THSD7B: variants seen among roughly 807,000 people sequenced by gnomAD.
The protein encoded by THSD7B is thrombospondin type-1 domain-containing protein 7B.
THSD7B carries 138 observed loss-of-function variants against 213.6 expected under a neutral mutation model. The observed-to-expected ratio is 0.65, with a 90% CI of 0.56 to 0.74. THSD7B has a LOEUF of 0.74. THSD7B is among the 30% of genes least tolerant of loss of function. The pLI is 0.00. For synonymous variants in THSD7B, 742 were observed against 687.0 expected (o/e 1.08, Z -1.25); for missense variants, 1,931 against 1,991.5 (o/e 0.97, Z 0.58).
chr2:137,493,804 G>T (rs775568600), intron 15 of THSD7B, among the ~76,000 whole-genome samples: 63 of 152,104 alleles, frequency 4.1e-4, no homozygotes, highest in Non-Finnish European at 7.2e-4. Context: ...TTCATCAGAT[G>T]TATTTTAAGA....
intron 12 of THSD7B, among the ~76,000 whole-genome samples, chr2:137,347,687 A>G (rs987970759): frequency 2.0e-5 from 3 of 150,992 alleles, no homozygotes; most frequent in African/African-American, 7.3e-5. Flanking sequence ...TCGTTATCAC[A>G]TCCCCCTTTG....
chr2:136,960,872 A>G (rs1287259087), intron 2 of THSD7B, among the ~76,000 whole-genome samples: 2 of 151,616 alleles, frequency 1.3e-5, no homozygotes, highest in Non-Finnish European at 2.9e-5. Context: ...GGCGGATCGC[A>G]AGGTCAGGAG....
intron 27 of THSD7B, among the ~76,000 whole-genome samples, chr2:137,670,906 G>A (rs1320862318): frequency 3.9e-5 from 5 of 127,438 alleles, no homozygotes; most frequent in Admixed American, 9.7e-5. Flanking sequence ...GGGCGACAGA[G>A]TGAGACTCCG....
At chr2:136,988,449 A>G (rs1001378544) in intron 2 of THSD7B, among the ~76,000 whole-genome samples, 1 of 152,216 alleles carries the variant, frequency 6.6e-6, no homozygotes. Flanking sequence ...GTGTTTAAAA[A>G]GTAGTTTGAG....
chr2:136,838,401 A>G (rs1682874522), intron 1 of THSD7B, among the ~76,000 whole-genome samples: 1 of 152,168 alleles, frequency 6.6e-6, no homozygotes, highest in Non-Finnish European at 1.5e-5. Context: ...TAAGGTCAAT[A>G]TTTAAACCAC....
Position 137,405,781 on chromosome 2 carries a change from C to A in THSD7B, c.2669C>A (p.Thr890Lys). 3.7e-6 allele frequency: 6 copies of A among 1,612,708 alleles called. No individual in the cohort carries two copies. Among genetic ancestry groups the A allele is most frequent in the Non-Finnish European group, 5.1e-6 (6 of 1,179,386 alleles). Residue 890 changes from threonine to lysine, a missense_variant, in exon 13 of 28, where the codon ACA becomes AAA. Physicochemically the swap from Thr to Lys is moderately conservative, Grantham distance 78. Transcript: ENST00000409968. Reference sequence around the variant, plus strand: ...CCCTGCTCCACGAACTGTGAAGCCACAAAAAGTAGGCGGCGACAGCTCACA... The same window carrying A: ...CCCTGCTCCACGAACTGTGAAGCCAAAAAAAGTAGGCGGCGACAGCTCACA... The part of the protein sequence containing the change: ...FTPCSTNCEA[T>K]KSRRRQLTGK...
chr2:137,651,437 A>G (rs939558775), intron 21 of THSD7B, among the ~76,000 whole-genome samples: 20 of 151,498 alleles, frequency 1.3e-4, no homozygotes, highest in Admixed American at 9.2e-4. Flanking sequence ...TGGGGTTCTG[A>G]TATTATTTAT....
rs555537039 is a variant in THSD7B at position 137,381,051 on chromosome 2, C to A, written c.2501-24562C>A. 2.0e-5 allele frequency among the ~76,000 whole-genome samples: 3 copies of A among 152,288 alleles called. No individual in the cohort carries two copies. In the East Asian group the frequency reaches 5.8e-4, roughly 29 times the overall value. On this transcript the variant is annotated intron_variant, in intron 12 of 27. Transcript: ENST00000409968. ...GTTTTTCCAACTACCTGACACTCAC[C>A]CTTTGACTCCCCTCAGAACTCAGTT... is the stretch of plus-strand genomic sequence containing the variant.
In THSD7B at chr2:137,056,749, G is replaced by A. The variant is rs781009319; in HGVS notation, c.469G>A (p.Glu157Lys). 3 of 1,613,996 alleles carry A rather than the reference G, an allele frequency of 1.9e-6. No individual in the cohort carries two copies. Among genetic ancestry groups the A allele is most frequent in the Admixed American group, 3.3e-5 (2 of 60,020 alleles). The change falls in exon 3 of 28, where the codon GAA (glutamate) becomes AAA (lysine). Residue 157 changes from glutamate (E) to lysine (K), a missense_variant. By Grantham distance (56) the Glu-to-Lys change is moderately conservative. Coordinates refer to ENST00000409968, the MANE Select transcript of THSD7B (RefSeq NM_001316349.2). ...QKLNRTVVAN[E>K]ICEHFALQPP... ...GCTGAACCGAACTGTGGTTGCAAAT[G>A]AAATATGCGAACACTTTGCCCTTCA...
intron 2 of THSD7B, among the ~76,000 whole-genome samples, chr2:136,890,999 T>C (rs369141459): frequency 1.3e-4 from 19 of 151,914 alleles, no homozygotes; most frequent in African/African-American, 4.3e-4. Flanking sequence ...TTTATTTTAA[T>C]GTCTAAATTT....
intron 15 of THSD7B, among the ~76,000 whole-genome samples, chr2:137,497,135 G>T (rs982005878): frequency 1.1e-4 from 16 of 151,698 alleles, no homozygotes; most frequent in African/African-American, 3.9e-4. Flanking sequence ...CAGAAAGATT[G>T]GTAGTTACTT....
At chr2:137,404,575 T>C (rs1241426802) in intron 12 of THSD7B, among the ~76,000 whole-genome samples, 1 of 130,056 alleles carries the variant, frequency 7.7e-6, no homozygotes, top group Middle Eastern at 4.4e-3. Flanking sequence ...ACACTATATA[T>C]ATACACAGAT....
intron 7 of THSD7B, among the ~76,000 whole-genome samples, chr2:137,179,781 CCT>C (rs993268028): frequency 6.6e-6 from 1 of 152,092 alleles, no homozygotes; most frequent in African/African-American, 2.4e-5. Context: ...ACCTCTGTTA[CCT>C]TGATGGTAAT....
intron 12 of THSD7B, among the ~76,000 whole-genome samples, chr2:137,393,690 T>C (rs1247023122): frequency 1.4e-5 from 2 of 141,288 alleles, no homozygotes; most frequent in South Asian, 2.4e-4. Flanking sequence ...ATGGGATGGC[T>C]GGGTCAAATG....
intron 12 of THSD7B, among the ~76,000 whole-genome samples, chr2:137,333,178 G>A (rs754077065): frequency 3.2e-4 from 49 of 152,074 alleles, no homozygotes; most frequent in Middle Eastern, 3.2e-3. Context: ...AATCCTGGAC[G>A]TCTAACCCCC....
chr2:136,900,447 A>T (rs1684043873), intron 2 of THSD7B, among the ~76,000 whole-genome samples: 1 of 152,090 alleles, frequency 6.6e-6, no homozygotes, highest in Admixed American at 6.5e-5. Context: ...TTTAGATCAC[A>T]CTACACACAC....
chr2:137,385,831 A>G (rs1685882643), intron 12 of THSD7B, among the ~76,000 whole-genome samples: 1 of 152,226 alleles, frequency 6.6e-6, no homozygotes, highest in Non-Finnish European at 1.5e-5. Context: ...CAAAGTCATT[A>G]TGAAGGTGTA....
intron 2 of THSD7B, among the ~76,000 whole-genome samples, chr2:137,008,820 A>G (rs1400246380): frequency 6.6e-6 from 1 of 152,202 alleles, no homozygotes; most frequent in Non-Finnish European, 1.5e-5. Flanking sequence ...TCCACTAGAG[A>G]TTAAGTGACC....
chr2:137,362,905 C>T (rs1685301518), intron 12 of THSD7B, among the ~76,000 whole-genome samples: 1 of 152,172 alleles, frequency 6.6e-6, no homozygotes, highest in Admixed American at 6.5e-5. Context: ...ATCTACAGAA[C>T]TCTCCACCTC....
Sources: gnomAD v4.1 joint callset for allele counts (sites outside exome capture counted in the v4.1 genomes callset) on GRCh38, gnomAD v4.1.1 for gene constraint, MANE v1.5 for transcripts, NCBI Gene and HGNC (gene_info 2026-07-23, HGNC 2026-07-21) for gene names.